The following IL6R variants were observed in gnomAD, a reference collection of about 807,000 sequenced individuals.
IL6R encodes the protein interleukin-6 receptor subunit alpha.
In IL6R, 38 loss-of-function variants were observed where a neutral mutation model predicts 48.3. The observed-to-expected ratio is 0.79, with a 90% CI of 0.61 to 1.03. IL6R has a LOEUF of 1.03. IL6R is among the 50% of genes least tolerant of loss of function. The pLI is 0.00. For missense variants in IL6R, 534 were observed against 618.3 expected (o/e 0.86, Z 1.45); for synonymous variants, 264 against 256.2 (o/e 1.03, Z -0.29).
chr1:154,450,647 C>T (rs1363946207), intron 8 of IL6R, among the ~76,000 whole-genome samples: 2 of 152,194 alleles, frequency 1.3e-5, no homozygotes, highest in African/African-American at 2.4e-5. Flanking sequence ...CCCTTGATTT[C>T]AATGCTTTTG....
At chr1:154,434,920 T>C in intron 4 of IL6R, 70 bp from the exon 5 acceptor site, 1 of 1,531,954 alleles carries the variant, frequency 6.5e-7, no homozygotes, top group Non-Finnish European at 8.9e-7. Context: ...CTTGCTGGGA[T>C]CTCAGCCTAC....
chr1:154,459,066 C>CT (rs765143417), intron 9 of IL6R, among the ~76,000 whole-genome samples: 5 of 152,198 alleles, frequency 3.3e-5, no homozygotes, highest in Non-Finnish European at 7.3e-5. Flanking sequence ...AACACACACC[C>CT]TGAGAGTCCC....
chr1:154,415,519 A>G (rs1338707479), intron 1 of IL6R, among the ~76,000 whole-genome samples: 1 of 152,214 alleles, frequency 6.6e-6, no homozygotes, highest in East Asian at 1.9e-4. Context: ...CTGGACTTGA[A>G]TGCAGGTCAC....
chr1:154,416,455 T>A (rs1160767728), intron 1 of IL6R, among the ~76,000 whole-genome samples: 3 of 152,098 alleles, frequency 2.0e-5, no homozygotes, highest in African/African-American at 7.2e-5. Context: ...AAGTAAACTT[T>A]AGAGATTAAT....
rs536802253 is a variant in IL6R, at chr1:154,433,614, C to T, written c.459-905C>T. 2.6e-5 allele frequency among the ~76,000 whole-genome samples: 4 copies of T among 152,302 alleles called. No homozygotes were observed. The South Asian group carries it at 6.2e-4, about 24-fold the overall frequency. On this transcript the variant is annotated intron_variant, in intron 3 of 9. Coordinates refer to ENST00000368485, the MANE Select transcript of IL6R (RefSeq NM_000565.4). ...GGCCAGCCGACCATTGCCTGAGTGA[C>T]TAGCTGAGCCCTCCAGCCTAGCTCC...
chr1:154,457,967 CT>C (rs1307922193), intron 9 of IL6R, among the ~76,000 whole-genome samples: 3,444 of 91,402 alleles, frequency 0.038, 44 homozygotes, highest in African/African-American at 0.059. Context: ...TTTTCTTTTT[CT>C]TTTTTTTTTT....
intron 1 of IL6R, among the ~76,000 whole-genome samples, chr1:154,407,130 G>A (rs1570908754): frequency 1.3e-5 from 2 of 152,334 alleles, no homozygotes. Flanking sequence ...GTCTGGCTGA[G>A]TGCTGGGACA....
intron 1 of IL6R, among the ~76,000 whole-genome samples, chr1:154,412,457 C>A (rs868503276): frequency 3.9e-5 from 6 of 152,050 alleles, no homozygotes; most frequent in African/African-American, 1.4e-4. Flanking sequence ...GGGGTTTCAC[C>A]ATGTTGGCCA....
rs762256680 is a variant in IL6R, at chr1:154,430,558, G to A, written c.410G>A (p.Arg137Gln). Residue 137 changes from arginine to glutamine, a missense_variant, in exon 3 of 10, where the codon CGG becomes CAG. By Grantham distance (43) the Arg-to-Gln change is conservative. Transcript: ENST00000368485. ...LSNVVCEWGPRSTPSLTTKAV... is the reference protein window; with the variant it reads ...LSNVVCEWGPQSTPSLTTKAV... The stretch of plus-strand genomic sequence containing the variant: ...AATGTTGTTTGTGAGTGGGGTCCTC[G>A]GAGCACCCCATCCCTGACGACAAAG... 1.9e-6 allele frequency: 3 copies of A among 1,614,010 alleles called. No homozygotes were observed. The highest frequency in any genetic ancestry group is 1.3e-5 in the African/African-American group (1 of 74,914).
intron 6 of IL6R, among the ~76,000 whole-genome samples, chr1:154,442,409 G>A (rs952254928): frequency 1.3e-5 from 2 of 152,188 alleles, no homozygotes; most frequent in Admixed American, 1.3e-4. Flanking sequence ...GCAAGGGGAG[G>A]GTGGCAGAGA....
chr1:154,408,527 G>C (rs1210015230), intron 1 of IL6R, among the ~76,000 whole-genome samples: 1 of 152,128 alleles, frequency 6.6e-6, no homozygotes, highest in Non-Finnish European at 1.5e-5. Context: ...GGGGTAGGGG[G>C]TGGTTAGAGA....
At chr1:154,445,816 G>A (rs1690194101) in intron 6 of IL6R, among the ~76,000 whole-genome samples, 1 of 152,026 alleles carries the variant, frequency 6.6e-6, no homozygotes, top group African/African-American at 2.4e-5. Context: ...GCAAGGTGGA[G>A]CCTTCAAGGC....
intron 1 of IL6R, chr1:154,418,367 C>T (rs553432016): frequency 2.0e-6 from 2 of 981,496 alleles, no homozygotes; most frequent in African/African-American, 1.7e-5. Context: ...AAAGGAGCCT[C>T]CCTCCCAGAC....
chr1:154,422,740 C>T (rs1372179903), intron 1 of IL6R, among the ~76,000 whole-genome samples: 7 of 152,232 alleles, frequency 4.6e-5, no homozygotes, highest in East Asian at 1.9e-4. Context: ...CCTTCGCCCC[C>T]GCGTGCCCCG....
At chr1:154,420,478 G>A (rs1432140312) in intron 1 of IL6R, among the ~76,000 whole-genome samples, 1 of 151,170 alleles carries the variant, frequency 6.6e-6, no homozygotes, top group Non-Finnish European at 1.5e-5. Context: ...TACACCAAGG[G>A]GCCTCCTGCT....
At chr1:154,451,776 T>C (rs1202679914) in intron 8 of IL6R, among the ~76,000 whole-genome samples, 1 of 152,000 alleles carries the variant, frequency 6.6e-6, no homozygotes, top group African/African-American at 2.4e-5. Flanking sequence ...CCTCAGGTGA[T>C]CTGCCTGCCT....
rs1440139457 is a variant in IL6R at position 154,426,356 on chromosome 1, C to CA, written c.86-2833dup. ...TGAAACCCCATCTCTACTAAAAATA[C>CA]AAAAAAAGGAAAAAATTAGCCGGGC... On this transcript the variant is annotated intron_variant, in intron 1 of 9. Coordinates refer to ENST00000368485, the MANE Select transcript of IL6R (RefSeq NM_000565.4). Among the ~76,000 whole-genome samples, 4 of 147,144 alleles carry CA rather than the reference C, an allele frequency of 2.7e-5. No individual in the cohort carries two copies. In the East Asian group the frequency reaches 8.4e-4, roughly 31 times the overall value.
intron 1 of IL6R, chr1:154,414,927 G>A (rs1284674054): frequency 1.7e-5 from 18 of 1,063,964 alleles, no homozygotes; most frequent in Non-Finnish European, 2.4e-5. Context: ...GGCGCTGGAA[G>A]GAGGGGATGT....
At chr1:154,439,132 G>A (rs1689796290) in intron 6 of IL6R, among the ~76,000 whole-genome samples, 1 of 152,122 alleles carries the variant, frequency 6.6e-6, no homozygotes, top group African/African-American at 2.4e-5. Flanking sequence ...ACATCGTGCA[G>A]AGGAATAGGA....
Sources: gnomAD v4.1 joint callset for allele counts (sites outside exome capture counted in the v4.1 genomes callset) on GRCh38, gnomAD v4.1.1 for gene constraint, MANE v1.5 for transcripts, NCBI Gene and HGNC (gene_info 2026-07-23, HGNC 2026-07-21) for gene names.